The following SYNE1 variants were observed in gnomAD, a reference collection of about 807,000 sequenced individuals.
The protein encoded by SYNE1 is nesprin-1.
SYNE1 carries 616 observed loss-of-function variants against 1,111.0 expected under a neutral mutation model. The observed-to-expected ratio is 0.55, with a 90% CI of 0.52 to 0.59. SYNE1 has a LOEUF of 0.59. Among genes scored for constraint, SYNE1 ranks in the 20% least tolerant of loss-of-function variants. SYNE1 has a pLI of 0.00. For missense variants in SYNE1, 10,006 were observed against 10,417.0 expected (o/e 0.96, Z 1.72); for synonymous variants, 3,855 against 3,825.8 (o/e 1.01, Z -0.28).
At chr6:152,511,724 A>G (rs2099086104) in intron 6 of SYNE1, 1 of 917,040 alleles carries the variant, frequency 1.1e-6, no homozygotes, top group South Asian at 1.5e-5. Context: ...CGTTTTAAAG[A>G]AAAACAAAGG....
At chr6:152,206,079 G>T in intron 126 of SYNE1, 89 bp downstream of exon 126, 2 of 1,243,916 alleles carry the variant, frequency 1.6e-6, no homozygotes, top group Non-Finnish European at 2.3e-6. Context: ...CATGATCTTT[G>T]CATTATTTGA....
At chr6:152,362,466 AG>A in intron 63 of SYNE1, 143 bp from the exon 64 acceptor site, 1 of 1,076,062 alleles carries the variant, frequency 9.3e-7, no homozygotes, top group Admixed American at 2.0e-5. Context: ...CAGGCTGCCC[AG>A]GGCTTAAGGA....
At chr6:152,380,441 A>C (rs552402641) in intron 56 of SYNE1, 1 of 152,666 alleles carries the variant, frequency 6.6e-6, no homozygotes, top group South Asian at 2.1e-4. Flanking sequence ...AGCTGCCATT[A>C]GCTTCAAAAA....
intron 3 of SYNE1, among the ~76,000 whole-genome samples, chr6:152,623,031 A>T (rs1007660111): frequency 1.3e-5 from 2 of 151,928 alleles, no homozygotes. Context: ...GCTTTTTTTC[A>T]TATGAAAGCC....
At chr6:152,287,449 C>A (rs1040130416) in intron 95 of SYNE1, among the ~76,000 whole-genome samples, 3 of 152,152 alleles carry the variant, frequency 2.0e-5, no homozygotes, top group African/African-American at 7.2e-5. Context: ...TAGGATATAT[C>A]TTTCAACTTT....
intron 3 of SYNE1, among the ~76,000 whole-genome samples, chr6:152,616,208 T>C (rs141413366): frequency 6.6e-6 from 1 of 152,014 alleles, no homozygotes; most frequent in Non-Finnish European, 1.5e-5. Context: ...AAAGATAAAG[T>C]TGTAAGTGAT....
chr6:152,228,970 T>A (rs142344445), intron 115 of SYNE1, among the ~76,000 whole-genome samples: 2 of 152,324 alleles, frequency 1.3e-5, no homozygotes, highest in East Asian at 3.9e-4. Flanking sequence ...CTCTATACGA[T>A]GTTTTTCTTT....
intron 49 of SYNE1, among the ~76,000 whole-genome samples, chr6:152,397,494 T>C (rs528667949): frequency 3.3e-4 from 51 of 152,302 alleles, no homozygotes; most frequent in African/African-American, 1.2e-3. Context: ...GAGTGGTATG[T>C]CACCTGTTAC....
intron 45 of SYNE1, among the ~76,000 whole-genome samples, chr6:152,406,304 T>C (rs77274317): frequency 0.015 from 2,238 of 152,196 alleles, 34 homozygotes; most frequent in Admixed American, 0.043. Flanking sequence ...AAGGACTCAG[T>C]GAGCAGTTTG....
intron 113 of SYNE1, 34 bp downstream of exon 113, chr6:152,232,082 A>AT (rs1452007362): frequency 1.4e-6 from 2 of 1,460,622 alleles, no homozygotes. Flanking sequence ...TGGTCTGAAA[A>AT]TATGAAAAGT....
chr6:152,336,716 G>T, intron 76 of SYNE1, 125 bp downstream of exon 76: 1 of 1,274,778 alleles, frequency 7.8e-7, no homozygotes, highest in East Asian at 2.3e-5. Flanking sequence ...CTGCCTTAAA[G>T]AGTTGTATTA....
intron 100 of SYNE1, among the ~76,000 whole-genome samples, chr6:152,264,845 C>G (rs190244642): frequency 1.3e-4 from 19 of 151,838 alleles, no homozygotes; most frequent in Admixed American, 7.9e-4. Flanking sequence ...GATTCCACTC[C>G]TAGGATATAA....
chr6:152,456,410 A>G (rs2098696371), intron 22 of SYNE1, among the ~76,000 whole-genome samples: 1 of 152,146 alleles, frequency 6.6e-6, no homozygotes. Flanking sequence ...CAATCATGAA[A>G]TCAATGAATA....
At chr6:152,345,910 A>G (rs1005069060) in intron 73 of SYNE1, among the ~76,000 whole-genome samples, 3 of 152,198 alleles carry the variant, frequency 2.0e-5, no homozygotes, top group Non-Finnish European at 4.4e-5. Flanking sequence ...CATATTTGTC[A>G]GTTACTCGTT....
chr6:152,510,985 C>T, intron 7 of SYNE1, 26 bp downstream of exon 7: 1 of 1,597,206 alleles, frequency 6.3e-7, no homozygotes, highest in South Asian at 1.1e-5. Context: ...ATTGCATCAA[C>T]TGAAAGAGGA....
intron 133 of SYNE1, among the ~76,000 whole-genome samples, chr6:152,152,607 T>C (rs1403705908): frequency 6.6e-6 from 1 of 152,226 alleles, no homozygotes; most frequent in Non-Finnish European, 1.5e-5. Flanking sequence ...TTGTAAAATA[T>C]GTACTTTTCT....
At chr6:152,514,658 CAA>C (rs529408436) in intron 6 of SYNE1, among the ~76,000 whole-genome samples, 17 of 137,442 alleles carry the variant, frequency 1.2e-4, no homozygotes, top group African/African-American at 2.7e-4. Context: ...CAATGAATAC[CAA>C]AAAAAAAAAA....
Position 152,215,007 on chromosome 6 carries a change from C to G in SYNE1, c.22245G>C (p.Glu7415Asp). 1 of 1,614,120 alleles carries G rather than the reference C, an allele frequency of 6.2e-7. No individual in the cohort carries two copies. Among genetic ancestry groups the G allele is most frequent in the Non-Finnish European group, 8.5e-7 (1 of 1,180,000 alleles). ...SMAPDLDRLN[E>D]LGYRLPLNDK... ...CATTCAAGGGTAACCTATATCCAAG[C>G]TCATTTAGACGGTCTAAATCTGGAG... Residue 7415 changes from glutamate (E) to aspartate (D), a missense_variant, in exon 122 of 146, where the codon GAG becomes GAC. Coordinates refer to ENST00000367255, the MANE Select transcript of SYNE1 (RefSeq NM_182961.4).
chr6:152,375,649 C>G (rs1439051478), intron 58 of SYNE1, among the ~76,000 whole-genome samples: 1 of 152,222 alleles, frequency 6.6e-6, no homozygotes, highest in African/African-American at 2.4e-5. Flanking sequence ...CTCTGGCTAT[C>G]TTAACACACC....
Sources: allele counts gnomAD v4.1 joint callset (sites outside exome capture counted in the v4.1 genomes callset), GRCh38; gene constraint gnomAD v4.1.1; transcripts MANE v1.5; gene names NCBI Gene and HGNC (gene_info 2026-07-23, HGNC 2026-07-21).